The following HPSE2 variants were observed in gnomAD, a reference collection of about 807,000 sequenced individuals.
HPSE2 encodes heparanase 2 (inactive).
In HPSE2, 38 loss-of-function variants were observed where a neutral mutation model predicts 60.5. The ratio of observed to expected loss-of-function variants is 0.63; its 90% CI spans 0.48 to 0.82. The LOEUF (loss-of-function observed/expected upper bound fraction) is 0.82. Among genes scored for constraint, HPSE2 ranks in the 40% least tolerant of loss-of-function variants. The pLI is 0.00. For missense variants in HPSE2, 713 were observed against 740.4 expected, an observed-to-expected ratio of 0.96 and a Z score of 0.43; for synonymous variants, 295 against 293.2, an observed-to-expected ratio of 1.01 and a Z score of -0.06.
At chr10:98,852,540 C>T (rs529419100) in intron 3 of HPSE2, among the ~76,000 whole-genome samples, 7 of 152,322 alleles carry the variant, frequency 4.6e-5, no homozygotes, top group Admixed American at 1.3e-4. Flanking sequence ...CTGCCCCATA[C>T]TCAAGAGAAA....
intron 3 of HPSE2, among the ~76,000 whole-genome samples, chr10:99,007,966 C>A (rs556453747): frequency 6.6e-6 from 1 of 152,268 alleles, no homozygotes; most frequent in African/African-American, 2.4e-5. Flanking sequence ...TGCATAATTC[C>A]AAGTCACTCA....
chr10:98,628,034 A>G (rs1208324894), intron 7 of HPSE2, among the ~76,000 whole-genome samples: 1 of 152,260 alleles, frequency 6.6e-6, no homozygotes, highest in Admixed American at 6.5e-5. Context: ...AGTGAGGAAC[A>G]ACTTTGATAC....
intron 7 of HPSE2, among the ~76,000 whole-genome samples, chr10:98,634,754 T>C (rs1946452051): frequency 6.6e-6 from 1 of 152,216 alleles, no homozygotes; most frequent in Non-Finnish European, 1.5e-5. Flanking sequence ...TTATTAAATA[T>C]AAACAGTCAT....
intron 3 of HPSE2, among the ~76,000 whole-genome samples, chr10:98,998,462 T>C (rs1043607971): frequency 2.0e-5 from 3 of 152,226 alleles, no homozygotes; most frequent in Non-Finnish European, 4.4e-5. Flanking sequence ...TTTTGGCTGG[T>C]AGTATCTGCC....
intron 6 of HPSE2, among the ~76,000 whole-genome samples, chr10:98,668,131 G>C (rs771226801): frequency 6.6e-6 from 1 of 151,970 alleles, no homozygotes; most frequent in Non-Finnish European, 1.5e-5. Flanking sequence ...TAACATTCTA[G>C]CTGAAAGCCA....
chr10:98,673,920 C>T (rs471424), intron 6 of HPSE2, among the ~76,000 whole-genome samples: 53,565 of 151,946 alleles, frequency 0.35, 9,662 homozygotes, highest in Admixed American at 0.41. Flanking sequence ...ATTTGTCTTG[C>T]TAGAGAAGTA....
intron 6 of HPSE2, among the ~76,000 whole-genome samples, chr10:98,643,958 C>A (rs1946702076): frequency 6.6e-6 from 1 of 152,240 alleles, no homozygotes; most frequent in African/African-American, 2.4e-5. Context: ...CATTACACAT[C>A]AGTATTTATA....
intron 7 of HPSE2, among the ~76,000 whole-genome samples, chr10:98,634,592 G>T (rs750171979): frequency 1.3e-5 from 2 of 152,008 alleles, no homozygotes; most frequent in Non-Finnish European, 2.9e-5. Context: ...CTGGAAAGCT[G>T]GTTAAAAGCA....
chr10:99,157,394 C>T lies in HPSE2; in HGVS notation c.449-12995G>A, dbSNP rs1462276856. 6.1e-3 allele frequency among the ~76,000 whole-genome samples: 570 copies of T among 92,810 alleles called. 6 individuals are homozygous for T. Among genetic ancestry groups the T allele is most frequent in the African/African-American group, 0.021 (548 of 26,094 alleles). 60.9% of individuals were successfully genotyped at this position (92,810 alleles called of 152,430 possible). ...AACCAAAACAGCATGGTACTGGTAC[C>T]AAAACAGAGATATAGATCAATGGAA... is the stretch of plus-strand genomic sequence containing the variant. On this transcript the variant is annotated intron_variant, in intron 2 of 11. Transcript: ENST00000370552.
chr10:98,566,474 C>A (rs750612331), intron 9 of HPSE2, among the ~76,000 whole-genome samples: 6 of 152,230 alleles, frequency 3.9e-5, no homozygotes, highest in Admixed American at 6.5e-5. Flanking sequence ...TAGTGGCCTT[C>A]AAGCTACACC....
At chr10:98,843,871 T>C (rs1951974692) in intron 3 of HPSE2, among the ~76,000 whole-genome samples, 2 of 152,232 alleles carry the variant, frequency 1.3e-5, no homozygotes, top group Non-Finnish European at 2.9e-5. Context: ...TCTTCTGACT[T>C]AATTTTAGAT....
chr10:98,771,761 A>T (rs915600903), intron 3 of HPSE2, among the ~76,000 whole-genome samples: 4 of 152,188 alleles, frequency 2.6e-5, no homozygotes, highest in Non-Finnish European at 5.9e-5. Flanking sequence ...CATGGATCCC[A>T]GTGGATGGGG....
At chr10:99,148,554 C>T (rs1846139896) in intron 2 of HPSE2, among the ~76,000 whole-genome samples, 1 of 151,984 alleles carries the variant, frequency 6.6e-6, no homozygotes, top group African/African-American at 2.4e-5. Flanking sequence ...ACTTTGGGAG[C>T]CCAAGGTGGG....
At chr10:98,967,832 A>G (rs1397493816) in intron 3 of HPSE2, among the ~76,000 whole-genome samples, 1 of 152,138 alleles carries the variant, frequency 6.6e-6, no homozygotes, top group East Asian at 1.9e-4. Flanking sequence ...AAACAACCCA[A>G]TTATGGTGGG....
intron 6 of HPSE2, among the ~76,000 whole-genome samples, chr10:98,684,962 T>C (rs898971023): frequency 2.0e-5 from 3 of 152,146 alleles, no homozygotes; most frequent in Non-Finnish European, 2.9e-5. Context: ...TATTTCATAA[T>C]AGATAAGTAT....
intron 3 of HPSE2, among the ~76,000 whole-genome samples, chr10:98,863,731 A>G (rs188139497): frequency 1.3e-5 from 2 of 152,254 alleles, no homozygotes; most frequent in South Asian, 2.1e-4. Flanking sequence ...GTGTTTACAA[A>G]CCTTATATGA....
At chr10:98,827,755 G>A (rs1951585550) in intron 3 of HPSE2, among the ~76,000 whole-genome samples, 1 of 152,162 alleles carries the variant, frequency 6.6e-6, no homozygotes, top group African/African-American at 2.4e-5. Flanking sequence ...CTGAAGCCAG[G>A]TGGTGTCACC....
At chr10:99,051,640 A>G (rs940205283) in intron 3 of HPSE2, among the ~76,000 whole-genome samples, 17 of 152,228 alleles carry the variant, frequency 1.1e-4, no homozygotes, top group African/African-American at 4.1e-4. Flanking sequence ...TGAGACTCCA[A>G]AAAGTCTGGT....
intron 3 of HPSE2, among the ~76,000 whole-genome samples, chr10:98,896,852 T>C (rs1953505734): frequency 1.3e-5 from 2 of 152,292 alleles, no homozygotes; most frequent in South Asian, 4.1e-4. Flanking sequence ...GTAACTTATA[T>C]GAAATGGATC....
Sources: gnomAD v4.1 joint callset for allele counts (sites outside exome capture counted in the v4.1 genomes callset) on GRCh38, gnomAD v4.1.1 for gene constraint, MANE v1.5 for transcripts, NCBI Gene and HGNC (gene_info 2026-07-23, HGNC 2026-07-21) for gene names.